Variants in PCDH7 observed in about 807,000 individuals in gnomAD.
PCDH7 encodes protocadherin-7.
In PCDH7, 17 loss-of-function variants were observed where a neutral mutation model predicts 58.9. That is an observed-to-expected ratio of 0.29 (90% CI 0.20 to 0.43). The LOEUF is 0.43. Ranked by LOEUF, PCDH7 falls within the 20% of genes least tolerant of loss-of-function variation. PCDH7 has a pLI of 1.00. For synonymous variants in PCDH7, 664 were observed against 616.4 expected, an observed-to-expected ratio of 1.08 and a Z score of -1.14; for missense variants, 1,274 against 1,441.0, an observed-to-expected ratio of 0.88 and a Z score of 1.88.
At chr4:31,141,092 G>T (rs1720197163) in intron 3 of PCDH7, among the ~76,000 whole-genome samples, 1 of 152,194 alleles carries the variant, frequency 6.6e-6, no homozygotes, top group Non-Finnish European at 1.5e-5. Context: ...CCTTCATTTA[G>T]GAGATTTAGC....
chr4:31,115,061 G>A (rs2109316172), intron 3 of PCDH7, among the ~76,000 whole-genome samples: 1 of 152,236 alleles, frequency 6.6e-6, no homozygotes, highest in South Asian at 2.1e-4. Flanking sequence ...CAGTTTTGCT[G>A]TCACTTCTGA....
intron 2 of PCDH7, among the ~76,000 whole-genome samples, chr4:30,944,744 A>G (rs1382324416): frequency 3.9e-5 from 6 of 152,190 alleles, no homozygotes; most frequent in East Asian, 1.9e-4. Flanking sequence ...TAAACTTAGA[A>G]TATTCATTAT....
chr4:30,776,078 C>T (rs1053956261), intron 1 of PCDH7, among the ~76,000 whole-genome samples: 1 of 152,150 alleles, frequency 6.6e-6, no homozygotes, highest in African/African-American at 2.4e-5. Flanking sequence ...GTCCCATTTT[C>T]CTCTGGATTT....
exon 2 of PCDH7, chr4:30,731,849 A>G (rs1715550068): frequency 6.6e-6 from 1 of 151,822 alleles, no homozygotes; most frequent in African/African-American, 2.4e-5. Context: ...GTTATGTCGT[A>G]TGTGTTTATG....
At chr4:30,911,703 C>T (rs541739235) in intron 1 of PCDH7, among the ~76,000 whole-genome samples, 1 of 152,056 alleles carries the variant, frequency 6.6e-6, no homozygotes, top group Admixed American at 6.6e-5. Context: ...CGGAAAAAAC[C>T]CGAGAAGCTG....
intron 3 of PCDH7, among the ~76,000 whole-genome samples, chr4:30,979,094 A>C (rs1047848457): frequency 3.3e-5 from 5 of 152,208 alleles, no homozygotes; most frequent in African/African-American, 9.6e-5. Context: ...TGGGGGGCCG[A>C]GGCAGGCAGA....
chr4:30,734,060 A>C (rs1331825502), downstream of PCDH7, among the ~76,000 whole-genome samples: 4 of 128,848 alleles, frequency 3.1e-5, no homozygotes, highest in Non-Finnish European at 1.8e-5. Flanking sequence ...TTTATTTTTT[A>C]GGTTATCTTA....
intron 1 of PCDH7, among the ~76,000 whole-genome samples, chr4:30,910,115 C>G (rs1578255511): frequency 6.6e-6 from 1 of 152,266 alleles, no homozygotes; most frequent in Non-Finnish European, 1.5e-5. Flanking sequence ...GGAAAACTGG[C>G]TAGCCATATG....
At chr4:30,935,360 G>A (rs750405166) in intron 2 of PCDH7, 57 of 980,488 alleles carry the variant, frequency 5.8e-5, no homozygotes, top group Non-Finnish European at 6.5e-5. Context: ...TAGTTTCTTG[G>A]CACCTTTTGA....
chr4:30,781,892 A>G (rs547115841), intron 1 of PCDH7, among the ~76,000 whole-genome samples: 8 of 152,234 alleles, frequency 5.3e-5, no homozygotes, highest in African/African-American at 1.9e-4. Context: ...TAAAATACTT[A>G]TTTTTAAGAG....
chr4:30,739,817 T>G (rs925327928), intron 1 of PCDH7, among the ~76,000 whole-genome samples: 2 of 152,214 alleles, frequency 1.3e-5, no homozygotes, highest in African/African-American at 2.4e-5. Flanking sequence ...TTAAGGTCTA[T>G]TCCAGGCACC....
intron 1 of PCDH7, among the ~76,000 whole-genome samples, chr4:30,878,861 G>GA (rs1217478802): frequency 5.3e-5 from 8 of 151,194 alleles, no homozygotes; most frequent in East Asian, 2.0e-4. Flanking sequence ...AAAACAAAGA[G>GA]AAAAAAAACA....
intron 1 of PCDH7, among the ~76,000 whole-genome samples, chr4:30,745,540 C>A (rs1201957874): frequency 6.6e-6 from 1 of 151,966 alleles, no homozygotes; most frequent in Non-Finnish European, 1.5e-5. Flanking sequence ...GAACAAAAAG[C>A]CTTGACATGA....
intron 1 of PCDH7, among the ~76,000 whole-genome samples, chr4:30,745,541 CT>C (rs1238865635): frequency 6.6e-6 from 1 of 152,034 alleles, no homozygotes; most frequent in Non-Finnish European, 1.5e-5. Context: ...AACAAAAAGC[CT>C]TGACATGAGG....
chr4:30,730,602 T>G, intron 1 of PCDH7: 89 of 521,362 alleles, frequency 1.7e-4, no homozygotes, highest in East Asian at 3.1e-4. Flanking sequence ...CCCCCAAGTG[T>G]ATTTATTATT....
exon 4 of PCDH7, chr4:31,142,860 A>G: frequency 7.4e-7 from 1 of 1,352,266 alleles, no homozygotes; most frequent in Non-Finnish European, 9.8e-7. Flanking sequence ...GCTATAAAGG[A>G]GCAACAGCAA....
At chr4:30,824,547 G>T (rs1728864969) in intron 1 of PCDH7, among the ~76,000 whole-genome samples, 1 of 152,054 alleles carries the variant, frequency 6.6e-6, no homozygotes. Flanking sequence ...AAGAATTACT[G>T]AAGGACAAAG....
intron 3 of PCDH7, among the ~76,000 whole-genome samples, chr4:30,988,145 G>A (rs538051441): frequency 1.4e-3 from 207 of 152,272 alleles, no homozygotes; most frequent in Non-Finnish European, 1.3e-3. Flanking sequence ...GAATCACCAC[G>A]TGAGAAAGGA....
chr4:30,787,334 C>T (rs1044416657), intron 1 of PCDH7, among the ~76,000 whole-genome samples: 6 of 151,836 alleles, frequency 4.0e-5, no homozygotes, highest in Admixed American at 6.6e-5. Context: ...GATTGAAATC[C>T]GAGAAAATTA....
Sources: allele counts gnomAD v4.1 joint callset (sites outside exome capture counted in the v4.1 genomes callset), GRCh38; gene constraint gnomAD v4.1.1; transcripts MANE v1.5; gene names NCBI Gene and HGNC (gene_info 2026-07-23, HGNC 2026-07-21).